SPP1: variants seen among roughly 807,000 people sequenced by gnomAD.
SPP1 encodes osteopontin.
Under a neutral mutation model 20.8 loss-of-function variants are expected in SPP1, and 18 were observed. The observed-to-expected ratio is 0.87, with a 90% CI of 0.60 to 1.29. The LOEUF (loss-of-function observed/expected upper bound fraction) is 1.29, where lower values mean the gene tolerates loss of function less well. Among genes scored for constraint, SPP1 ranks in the 50% most tolerant of loss-of-function variants. SPP1 has a pLI of 0.00. For synonymous variants in SPP1, 146 were observed against 141.5 expected (o/e 1.03, Z -0.23); for missense variants, 363 against 389.0 (o/e 0.93, Z 0.56).
chr4:87,979,359 G>A (rs1281790412), intron 3 of SPP1, among the ~76,000 whole-genome samples: 3 of 151,396 alleles, frequency 2.0e-5, no homozygotes, highest in South Asian at 4.2e-4. Flanking sequence ...TTTTTTAGTA[G>A]AAACGGGGTT....
rs562800314 is a variant in SPP1, at chr4:87,977,953, A to T, written c.93+856A>T. On this transcript the variant is annotated intron_variant, in intron 3 of 6. Coordinates refer to ENST00000395080, the MANE Select transcript of SPP1 (RefSeq NM_001040058.2). ...CTAATAATAAACCAGAAAAATTAAC[A>T]TCTCCAGAGAAGATAGAGGTCATAC... 1.1e-5 allele frequency: 8 copies of T among 750,556 alleles called. No individual in the cohort carries two copies. The South Asian group carries it at 1.8e-4, about 17-fold the overall frequency. 46.5% of individuals were successfully genotyped at this position (750,556 alleles called of 1,614,324 possible). A position where few individuals can be genotyped will look rare whatever the true frequency, so the allele number is the denominator to read the frequency against.
At position 87,980,376 on chromosome 4, in the gene SPP1, T is replaced by C; in HGVS notation, c.175-17T>C. 6.2e-7 allele frequency: 1 copy of C among 1,614,024 alleles called. No homozygotes were observed. The highest frequency in any genetic ancestry group is 8.5e-7 in the Non-Finnish European group (1 of 1,179,970). Reference sequence around the variant, plus strand: ...GGCATGTGTGATGCGCACTAACACGTGCCATTCCTTCTTCAGAATGCTGTG... The same window carrying C: ...GGCATGTGTGATGCGCACTAACACGCGCCATTCCTTCTTCAGAATGCTGTG... On this transcript the variant is annotated splice_polypyrimidine_tract_variant and intron_variant, in intron 4 of 6. Transcript: ENST00000395080.
Position 87,982,681 on chromosome 4 carries a change from A to G in SPP1, c.730A>G (p.Arg244Gly). The change falls in exon 7 of 7, where the codon AGA becomes GGA. Residue 244 changes from arginine to glycine, a missense_variant. Coordinates refer to ENST00000395080, the MANE Select transcript of SPP1 (RefSeq NM_001040058.2). Reference protein sequence around the residue: ...SAETHSHKQSRLYKRKANDES... With the variant: ...SAETHSHKQSGLYKRKANDES... ...TGAAACCCACAGCCACAAGCAGTCC[A>G]GATTATATAAGCGGAAAGCCAATGA... 1 of 1,614,154 alleles carries G rather than the reference A, an allele frequency of 6.2e-7. No individual in the cohort carries two copies. Among genetic ancestry groups the G allele is most frequent in the East Asian group, 2.2e-5 (1 of 44,864 alleles).
chr4:87,980,015 T>C (rs1383523401), intron 3 of SPP1, 31 bp from the exon 4 acceptor site: 25 of 1,608,500 alleles, frequency 1.6e-5, no homozygotes, highest in Non-Finnish European at 1.8e-5. Context: ...TTTCTTTTTT[T>C]AATAATGATA....
chr4:87,982,491 G>C lies in SPP1; in HGVS notation c.541-1G>C. ...TATTCTTCATTTGTGCCGTGATTCA[G>C]TACCCTGATGCTACAGACGAGGACA... On this transcript the variant is annotated splice_acceptor_variant, in intron 6 of 6. Coordinates refer to ENST00000395080, the MANE Select transcript of SPP1 (RefSeq NM_001040058.2). LOFTEE classifies it high-confidence loss of function. The C allele has an allele frequency of 6.2e-7, 1 of 1,611,868 alleles. No individual in the cohort carries two copies. The highest frequency in any genetic ancestry group is 1.7e-5 in the Admixed American group (1 of 59,886).
At chr4:87,977,631 A>G (rs956357189) in intron 3 of SPP1, 20 of 1,108,062 alleles carry the variant, frequency 1.8e-5, no homozygotes, top group Non-Finnish European at 2.1e-5. Flanking sequence ...CATAAGACCA[A>G]CCAAACTCTT....
intron 6 of SPP1, 39 bp from the exon 7 acceptor site, chr4:87,982,453 C>A: frequency 6.3e-7 from 1 of 1,587,866 alleles, no homozygotes; most frequent in South Asian, 1.1e-5. Flanking sequence ...CCATCCCTAG[C>A]CGTTCATATA....
rs1725408229 is a variant in SPP1, at chr4:87,977,069, C to T, written c.65C>T (p.Ala22Val). The part of the protein sequence containing the change: ...GITCAIPVKQ[A>V]DSGSSEEKQL... Reference sequence around the variant, plus strand: ...TTTTCTGTTTCTAAGGTTAAACAGGCTGATTCTGGAAGTTCTGAGGAAAAG... The same window carrying T: ...TTTTCTGTTTCTAAGGTTAAACAGGTTGATTCTGGAAGTTCTGAGGAAAAG... Residue 22 changes from alanine to valine, a missense_variant, in exon 3 of 7, where the codon GCT (alanine) becomes GTT (valine). By Grantham distance (64) the Ala-to-Val change is moderately conservative (BLOSUM62 0). Transcript: ENST00000395080. 2 of 1,613,866 alleles carry T rather than the reference C, an allele frequency of 1.2e-6. No individual in the cohort carries two copies. The highest frequency in any genetic ancestry group is 1.7e-6 in the Non-Finnish European group (2 of 1,179,908).
chr4:87,976,828 A>G (rs185470323), intron 1 of SPP1, 54 bp from the exon 2 acceptor site: 14 of 1,233,414 alleles, frequency 1.1e-5, no homozygotes, highest in African/African-American at 8.9e-5. Flanking sequence ...ATAAAAAGGT[A>G]TCACTGTTGT....
chr4:87,980,148 T>C, intron 4 of SPP1, 22 bp downstream of exon 4: 1 of 1,613,294 alleles, frequency 6.2e-7, no homozygotes, highest in East Asian at 2.2e-5. Flanking sequence ...CTTCTCATAA[T>C]TAAACTACAG....
In SPP1 at chr4:87,977,055, T is replaced by A. The variant is rs561728738; in HGVS notation, c.55-4T>A. On this transcript the variant is annotated splice_polypyrimidine_tract_variant and splice_region_variant and intron_variant, in intron 2 of 6. Coordinates refer to ENST00000395080, the MANE Select transcript of SPP1 (RefSeq NM_001040058.2). ...AATCTTTCTTCATCTTTTCTGTTTC[T>A]AAGGTTAAACAGGCTGATTCTGGAA... The A allele has an allele frequency of 6.2e-7, 1 of 1,614,020 alleles. No homozygotes were observed. The highest frequency in any genetic ancestry group is 1.1e-5 in the South Asian group (1 of 91,066).
intron 3 of SPP1, among the ~76,000 whole-genome samples, chr4:87,978,667 C>A (rs187005766): frequency 2.0e-3 from 299 of 152,254 alleles, no homozygotes; most frequent in African/African-American, 6.5e-3. Context: ...CAGGCGTGAG[C>A]CACTGCGCCC....
rs754641652 is a variant in SPP1 at position 87,981,742 on chromosome 4, A to T, written c.484A>T (p.Ser162Cys). 6.2e-7 allele frequency: 1 copy of T among 1,614,218 alleles called. No individual in the cohort carries two copies. Among genetic ancestry groups the T allele is most frequent in the East Asian group, 2.2e-5 (1 of 44,880 alleles). The change falls in exon 6 of 7, where the codon AGT becomes TGT. Residue 162 changes from serine to cysteine, a missense_variant. Physicochemically the swap from Ser to Cys is moderately radical, Grantham distance 112 (BLOSUM62 -1). Transcript: ENST00000395080. ...AGACACATATGATGGCCGAGGTGAT[A>T]GTGTGGTTTATGGACTGAGGTCAAA... ...TVDTYDGRGD[S>C]VVYGLRSKSK...
At chr4:87,979,330 AT>A (rs1300398141) in intron 3 of SPP1, among the ~76,000 whole-genome samples, 47 of 149,574 alleles carry the variant, frequency 3.1e-4, no homozygotes, top group African/African-American at 9.3e-4. Context: ...ACGCCCGGCT[AT>A]TTTTTTTTAT....
chr4:87,976,688 T>C (rs1231023342), intron 1 of SPP1, among the ~76,000 whole-genome samples, 194 bp from the exon 2 acceptor site: 1 of 152,176 alleles, frequency 6.6e-6, no homozygotes, highest in Admixed American at 6.5e-5. Context: ...TAGTGAAAGA[T>C]GGATAATAGG....
At chr4:87,981,434 A>G (rs1347273275) in intron 5 of SPP1, 41 bp from the exon 6 acceptor site, 7 of 1,565,694 alleles carry the variant, frequency 4.5e-6, no homozygotes, top group Non-Finnish European at 6.1e-6. Flanking sequence ...AGGGAAAATA[A>G]AAACCCATAT....
rs767647004 is a variant in SPP1 at position 87,982,860 on chromosome 4, T to C, written c.909T>C (p.Ser303=). ...EEDKHLKFRI[S]HELDSASSEV... ...ATAAACACCTGAAATTTCGTATTTCTCATGAATTAGATAGTGCATCTTCTG... is the reference window on the plus strand; with the variant it reads ...ATAAACACCTGAAATTTCGTATTTCCCATGAATTAGATAGTGCATCTTCTG... Residue 303 remains serine, a synonymous_variant, in exon 7 of 7, where the codon TCT becomes TCC. Transcript: ENST00000395080. 1.4e-5 allele frequency: 23 copies of C among 1,613,794 alleles called. No homozygotes were observed. In the South Asian group the frequency reaches 1.9e-4, roughly 13 times the overall value.
At chr4:87,980,235 A>C in intron 4 of SPP1, 109 bp downstream of exon 4, 1 of 1,480,168 alleles carries the variant, frequency 6.8e-7, no homozygotes, top group South Asian at 1.2e-5. Flanking sequence ...ACATGTGCTT[A>C]GGACATTGAC....
chr4:87,977,213 C>T, intron 3 of SPP1, 116 bp downstream of exon 3: 1 of 1,054,218 alleles, frequency 9.5e-7, no homozygotes, highest in Non-Finnish European at 1.4e-6. Context: ...CATTGGTTTA[C>T]AAGTATTGAT....
Sources: allele counts gnomAD v4.1 joint callset (sites outside exome capture counted in the v4.1 genomes callset), GRCh38; gene constraint gnomAD v4.1.1; transcripts MANE v1.5; gene names NCBI Gene and HGNC (gene_info 2026-07-23, HGNC 2026-07-21).